Variants in ABTB2 observed in about 807,000 individuals in gnomAD.
ABTB2 encodes ankyrin repeat and BTB/POZ domain-containing protein 2.
A neutral mutation model predicts 104.1 loss-of-function variants in ABTB2; 56 were observed. The observed-to-expected ratio is 0.54, with a 90% CI of 0.43 to 0.67. The LOEUF is 0.67. Ranked by LOEUF, ABTB2 falls within the 30% of genes least tolerant of loss-of-function variation. ABTB2 has a pLI of 0.00. For synonymous variants in ABTB2, 606 were observed against 608.2 expected (o/e 1.00, Z 0.05); for missense variants, 1,279 against 1,407.7 (o/e 0.91, Z 1.46).
At chr11:34,332,595 A>T (rs1002418368) in intron 1 of ABTB2, among the ~76,000 whole-genome samples, 1 of 152,108 alleles carries the variant, frequency 6.6e-6, no homozygotes, top group African/African-American at 2.4e-5. Flanking sequence ...TGCTTTTGAA[A>T]GCACACAGTG....
At chr11:34,190,967 ATAC>A (rs1337673530) in intron 3 of ABTB2, among the ~76,000 whole-genome samples, 4 of 152,312 alleles carry the variant, frequency 2.6e-5, no homozygotes, top group African/African-American at 9.6e-5. Context: ...CGTAGAAGCC[ATAC>A]TACTATCTTC....
intron 1 of ABTB2, among the ~76,000 whole-genome samples, chr11:34,344,096 C>T (rs762789643): frequency 1.3e-5 from 2 of 152,166 alleles, no homozygotes; most frequent in African/African-American, 4.8e-5. Context: ...GTTCTTTTTC[C>T]GGCCAAATTT....
At chr11:34,190,462 G>A (rs146569266) in intron 3 of ABTB2, among the ~76,000 whole-genome samples, 5 of 152,146 alleles carry the variant, frequency 3.3e-5, no homozygotes, top group East Asian at 1.9e-4. Context: ...GTTTACTTCC[G>A]TCTTGCTTTT....
chr11:34,191,520 C>T (rs1853176435), intron 3 of ABTB2, among the ~76,000 whole-genome samples: 1 of 152,198 alleles, frequency 6.6e-6, no homozygotes, highest in South Asian at 2.1e-4. Context: ...ATTAGTATAA[C>T]ATCAGCACCC....
Position 34,165,292 on chromosome 11 carries a change from G to C in ABTB2, c.1820C>G (p.Ala607Gly). Residue 607 changes from alanine (A) to glycine (G), a missense_variant, in exon 8 of 17, where the codon GCG becomes GGG. Ala to Gly is a moderately conservative substitution (Grantham distance 60, BLOSUM62 0). Transcript: ENST00000435224. ...SAVNGGEDSY[A>G]ETPLQLASAA... ...AGAGGCCAGCTGCAGGGGCGTCTCC[G>C]CATAGCTGTCCTCGCCGCCGTTCAC... 1 of 1,568,138 alleles carries C rather than the reference G, an allele frequency of 6.4e-7. No individual in the cohort carries two copies. Among genetic ancestry groups the C allele is most frequent in the Non-Finnish European group, 8.6e-7 (1 of 1,157,388 alleles).
intron 1 of ABTB2, among the ~76,000 whole-genome samples, chr11:34,309,654 G>A (rs1370232954): frequency 1.4e-5 from 2 of 140,934 alleles, no homozygotes; most frequent in East Asian, 2.1e-4. Context: ...AATGAGTTAT[G>A]AAGTTAAAAA....
chr11:34,199,284 T>C (rs1311823523), intron 2 of ABTB2, among the ~76,000 whole-genome samples: 3 of 152,142 alleles, frequency 2.0e-5, no homozygotes, highest in Non-Finnish European at 4.4e-5. Context: ...AGGAAAGTCC[T>C]CCTTGTCCCT....
At chr11:34,224,810 C>T (rs1853667136) in intron 1 of ABTB2, among the ~76,000 whole-genome samples, 1 of 152,206 alleles carries the variant, frequency 6.6e-6, no homozygotes, top group East Asian at 1.9e-4. Flanking sequence ...GAACTCTGCC[C>T]CTCTCCTCTG....
chr11:34,198,941 C>A (rs1219467444), intron 2 of ABTB2, among the ~76,000 whole-genome samples: 1 of 152,154 alleles, frequency 6.6e-6, no homozygotes, highest in African/African-American at 2.4e-5. Context: ...AAGAAATGAA[C>A]AGGTTTTAAT....
intron 1 of ABTB2, among the ~76,000 whole-genome samples, chr11:34,248,950 G>A (rs1213851095): frequency 6.6e-6 from 1 of 152,146 alleles, no homozygotes; most frequent in Non-Finnish European, 1.5e-5. Flanking sequence ...GACCAAAATG[G>A]AGAAACCCTG....
intron 6 of ABTB2, 54 bp from the exon 7 acceptor site, chr11:34,167,414 A>C (rs1852816067): frequency 2.0e-5 from 29 of 1,449,958 alleles, no homozygotes; most frequent in Non-Finnish European, 2.7e-5. Flanking sequence ...CGAAGGGAGT[A>C]CCCTGCAGGG....
At chr11:34,256,994 T>C (rs10836173) in intron 1 of ABTB2, among the ~76,000 whole-genome samples, 46,751 of 152,106 alleles carry the variant, frequency 0.31, 7,656 homozygotes, top group African/African-American at 0.42. Flanking sequence ...GAGCCACTCA[T>C]AGTAGTCAAA....
chr11:34,159,876 G>T lies in ABTB2; in HGVS notation c.2606+30C>A, dbSNP rs752771357. ...AAACAAGGTGCTTCTGTGCCCCTGG[G>T]CTGGGAGTTTGTTATCTGAGGCTGC... On this transcript the variant is annotated intron_variant, in intron 13 of 16. Transcript: ENST00000435224. 3 of 1,550,736 alleles carry T rather than the reference G, an allele frequency of 1.9e-6. No homozygotes were observed. The Admixed American group carries it at 5.0e-5, about 26-fold the overall frequency.
chr11:34,176,279 C>CAAAAAA (rs58009507), intron 3 of ABTB2, among the ~76,000 whole-genome samples: 7 of 74,774 alleles, frequency 9.4e-5, no homozygotes, highest in African/African-American at 1.8e-4. Context: ...GACTCCGTCT[C>CAAAAAA]AAAAAAAAAA....
At chr11:34,167,468 A>C in intron 6 of ABTB2, 108 bp from the exon 7 acceptor site, 1 of 906,092 alleles carries the variant, frequency 1.1e-6, no homozygotes, top group South Asian at 1.5e-5. Flanking sequence ...TTCGATTGAT[A>C]ATGTTTGCCT....
chr11:34,282,572 G>A (rs982874497), intron 1 of ABTB2, among the ~76,000 whole-genome samples: 1 of 151,846 alleles, frequency 6.6e-6, no homozygotes. Flanking sequence ...TGTTGCCCAG[G>A]CTGGAGTGCA....
chr11:34,174,577 C>T (rs1361285545), intron 3 of ABTB2, among the ~76,000 whole-genome samples: 5 of 152,200 alleles, frequency 3.3e-5, no homozygotes, highest in Admixed American at 2.0e-4. Flanking sequence ...CTGCCCTCGG[C>T]GAGCGGCTCA....
chr11:34,266,443 C>T (rs761408317), intron 1 of ABTB2, among the ~76,000 whole-genome samples: 8 of 152,268 alleles, frequency 5.3e-5, no homozygotes, highest in Non-Finnish European at 8.8e-5. Flanking sequence ...TTTCCTCATC[C>T]GTGAGCAGAG....
intron 1 of ABTB2, among the ~76,000 whole-genome samples, chr11:34,323,640 T>C (rs1855031785): frequency 6.6e-6 from 1 of 152,212 alleles, no homozygotes; most frequent in Non-Finnish European, 1.5e-5. Context: ...TGTTCTTCAA[T>C]ACAGTTATCA....
Sources: gnomAD v4.1 joint callset for allele counts (sites outside exome capture counted in the v4.1 genomes callset) on GRCh38, gnomAD v4.1.1 for gene constraint, MANE v1.5 for transcripts, NCBI Gene and HGNC (gene_info 2026-07-23, HGNC 2026-07-21) for gene names.